Variants in NELL2 observed in about 807,000 individuals in gnomAD.
The protein encoded by NELL2 is neural EGFL like 2.
Under a neutral mutation model 109.6 loss-of-function variants are expected in NELL2, and 41 were observed. The ratio of observed to expected loss-of-function variants is 0.37; its 90% CI spans 0.29 to 0.49. The LOEUF (loss-of-function observed/expected upper bound fraction) is 0.49. Ranked by LOEUF, NELL2 falls within the 20% of genes least tolerant of loss-of-function variation. NELL2 has a pLI of 0.98. For missense variants in NELL2, 900 were observed against 1,008.3 expected (o/e 0.89, Z 1.45); for synonymous variants, 355 against 344.7 (o/e 1.03, Z -0.33).
intron 19 of NELL2, among the ~76,000 whole-genome samples, chr12:44,512,705 AT>A (rs1046921758): frequency 1.1e-4 from 16 of 152,232 alleles, no homozygotes; most frequent in Admixed American, 3.3e-4. Flanking sequence ...ATTATGTGAA[AT>A]AAGCCAGGTG....
chr12:44,643,051 C>A (rs1403121223), intron 13 of NELL2, among the ~76,000 whole-genome samples: 2 of 152,128 alleles, frequency 1.3e-5, no homozygotes, highest in African/African-American at 4.8e-5. Context: ...GAGAACCAGC[C>A]TTCTCATATA....
At chr12:44,544,133 A>C (rs1942696081) in intron 15 of NELL2, among the ~76,000 whole-genome samples, 2 of 152,154 alleles carry the variant, frequency 1.3e-5, no homozygotes, top group South Asian at 4.1e-4. Flanking sequence ...TACGATGCGA[A>C]ATGAAGGTGG....
At chr12:44,689,152 A>T (rs1372509613) in intron 12 of NELL2, among the ~76,000 whole-genome samples, 1 of 152,144 alleles carries the variant, frequency 6.6e-6, no homozygotes, top group East Asian at 1.9e-4. Context: ...CAACACTTAC[A>T]TACTGCCACT....
chr12:44,590,227 A>C lies in NELL2; in HGVS notation c.1663+16942T>G, dbSNP rs1316668371. 2.0e-5 allele frequency among the ~76,000 whole-genome samples: 3 copies of C among 151,874 alleles called. No individual in the cohort carries two copies. The East Asian group carries it at 5.8e-4, about 29-fold the overall frequency. On this transcript the variant is annotated intron_variant, in intron 15 of 19. Transcript: ENST00000429094. ...TTTTATACTTAGTATATATATATTTATCATAGTTGCATTAATAATTATAAT... is the reference window on the plus strand; with the variant it reads ...TTTTATACTTAGTATATATATATTTCTCATAGTTGCATTAATAATTATAAT...
intron 13 of NELL2, among the ~76,000 whole-genome samples, chr12:44,630,915 C>T (rs1817137269): frequency 6.6e-6 from 1 of 152,064 alleles, no homozygotes; most frequent in African/African-American, 2.4e-5. Context: ...ATATGGTACT[C>T]ATTCCATGTC....
In NELL2 at chr12:44,522,013, T is replaced by C. The variant is rs542125591; in HGVS notation, c.2162A>G (p.Gln721Arg). The C allele has an allele frequency of 6.2e-7, 1 of 1,613,608 alleles. No individual in the cohort carries two copies. The highest frequency in any genetic ancestry group is 1.3e-5 in the African/African-American group (1 of 74,984). ...SGDTWVQNCQ[Q>R]CRCLQGEVDC... ...AGCTAAATTTACCAAGCAGCGGCAC[T>C]GTTGACAATTCTGGACCCAGGTGTC... The change falls in exon 18 of 20, where the codon CAG becomes CGG. Residue 721 changes from glutamine (Q) to arginine (R), a missense_variant. Gln to Arg is a conservative substitution (Grantham distance 43, BLOSUM62 1). This residue lies in a region of NELL2 where 333 missense variants were observed against 432.3 expected (regional missense o/e 0.77). Coordinates refer to ENST00000429094, the MANE Select transcript of NELL2 (RefSeq NM_001145108.2).
At chr12:44,623,947 G>A (rs558346702) in intron 13 of NELL2, among the ~76,000 whole-genome samples, 8 of 152,184 alleles carry the variant, frequency 5.3e-5, no homozygotes, top group Non-Finnish European at 7.4e-5. Flanking sequence ...GAGAACACAT[G>A]GACACAGGGA....
At chr12:44,912,241 T>C (rs1328966039) in intron 1 of NELL2, among the ~76,000 whole-genome samples, 1 of 152,082 alleles carries the variant, frequency 6.6e-6, no homozygotes, top group Non-Finnish European at 1.5e-5. Context: ...AAAGCACCCT[T>C]GTAAATAATT....
chr12:44,844,863 A>T (rs1041078523), intron 2 of NELL2, among the ~76,000 whole-genome samples: 1 of 152,154 alleles, frequency 6.6e-6, no homozygotes, highest in Non-Finnish European at 1.5e-5. Flanking sequence ...ACCCTGGAAG[A>T]GTTTTTCACT....
At chr12:44,825,360 C>G (rs1268043984) in intron 2 of NELL2, among the ~76,000 whole-genome samples, 1 of 141,330 alleles carries the variant, frequency 7.1e-6, no homozygotes, top group Non-Finnish European at 1.6e-5. Context: ...ATTTTTATAG[C>G]TATTATAAAT....
chr12:44,863,756 CAGAA>C, intron 2 of NELL2, among the ~76,000 whole-genome samples: 1 of 152,212 alleles, frequency 6.6e-6, no homozygotes, highest in East Asian at 1.9e-4. Flanking sequence ...AAGTCAAATT[CAGAA>C]TACTCAAATA....
intron 2 of NELL2, among the ~76,000 whole-genome samples, chr12:44,832,351 T>C (rs115099384): frequency 0.011 from 1,630 of 152,336 alleles, 24 homozygotes; most frequent in African/African-American, 0.037. Context: ...GTCATGAAAG[T>C]GGAAAAGACA....
At chr12:44,569,879 T>A (rs1166100851) in intron 15 of NELL2, among the ~76,000 whole-genome samples, 1 of 152,144 alleles carries the variant, frequency 6.6e-6, no homozygotes, top group Non-Finnish European at 1.5e-5. Flanking sequence ...ACTGGGAAAT[T>A]AGCTACAATT....
At chr12:44,541,207 C>T (rs1186710313) in intron 15 of NELL2, among the ~76,000 whole-genome samples, 5 of 143,636 alleles carry the variant, frequency 3.5e-5, no homozygotes, top group East Asian at 2.1e-4. Flanking sequence ...GCCGAGATCA[C>T]GCCACTGCAC....
chr12:44,883,960 A>C (rs1264643425), intron 1 of NELL2, among the ~76,000 whole-genome samples: 1 of 151,970 alleles, frequency 6.6e-6, no homozygotes, highest in East Asian at 1.9e-4. Context: ...GGTAGGCCAA[A>C]ATCCAAACGA....
chr12:44,788,107 A>T (rs1942247862), intron 3 of NELL2, among the ~76,000 whole-genome samples: 1 of 152,216 alleles, frequency 6.6e-6, no homozygotes, highest in African/African-American at 2.4e-5. Context: ...AAAACTCAGC[A>T]ATTAAAAAAA....
At chr12:44,641,689 CTTTTTT>C (rs71093817) in intron 13 of NELL2, among the ~76,000 whole-genome samples, 2 of 80,626 alleles carry the variant, frequency 2.5e-5, no homozygotes, top group African/African-American at 1.1e-4. Flanking sequence ...CTAGTTTCTC[CTTTTTT>C]TTTTTTTTTT....
At chr12:44,890,807 C>T (rs553018925) in intron 1 of NELL2, among the ~76,000 whole-genome samples, 30 of 151,970 alleles carry the variant, frequency 2.0e-4, no homozygotes, top group Admixed American at 1.0e-3. Flanking sequence ...CTTGGCTCAC[C>T]GCAATCTCCA....
upstream of NELL2, among the ~76,000 whole-genome samples, chr12:44,917,916 T>C (rs1592721230): frequency 2.0e-5 from 3 of 152,338 alleles, no homozygotes; most frequent in Admixed American, 2.0e-4. Context: ...CTCCGCCATA[T>C]AGCTTCAAAG....
Sources: allele counts gnomAD v4.1 joint callset (sites outside exome capture counted in the v4.1 genomes callset), GRCh38; gene constraint gnomAD v4.1.1; regional missense constraint gnomAD v4.1.1; transcripts MANE v1.5; gene names NCBI Gene and HGNC (gene_info 2026-07-23, HGNC 2026-07-21).